Variants in STEAP1B observed in about 807,000 individuals in gnomAD.
The protein encoded by STEAP1B is STEAP family member 1B.
Under a neutral mutation model 27.9 loss-of-function variants are expected in STEAP1B, and 13 were observed. That is an observed-to-expected ratio of 0.47 (90% CI 0.30 to 0.74). The LOEUF (loss-of-function observed/expected upper bound fraction) is 0.74, where lower values mean the gene tolerates loss of function less well. Among genes scored for constraint, STEAP1B ranks in the 30% least tolerant of loss-of-function variants. The pLI is 0.06. For synonymous variants in STEAP1B, 86 were observed against 107.1 expected (o/e 0.80, Z 1.22); for missense variants, 250 against 298.7 (o/e 0.84, Z 1.20).
At chr7:22,432,065 G>A (rs1785194258) in intron 4 of STEAP1B, among the ~76,000 whole-genome samples, 1 of 152,146 alleles carries the variant, frequency 6.6e-6, no homozygotes, top group East Asian at 1.9e-4. Context: ...TAGATCATGG[G>A]TAGAACCTTC....
intron 4 of STEAP1B, among the ~76,000 whole-genome samples, chr7:22,461,447 G>C (rs1437265341): frequency 6.6e-6 from 1 of 152,120 alleles, no homozygotes; most frequent in African/African-American, 2.4e-5. Context: ...ATTTTTAGTA[G>C]AGAGGGGGTT....
intron 4 of STEAP1B, among the ~76,000 whole-genome samples, chr7:22,435,232 C>A (rs182376943): frequency 6.6e-6 from 1 of 152,114 alleles, no homozygotes; most frequent in Non-Finnish European, 1.5e-5. Context: ...CCCACCTGCA[C>A]CCACTCAACC....
intron 4 of STEAP1B, among the ~76,000 whole-genome samples, chr7:22,470,652 G>C (rs1180017808): frequency 6.6e-6 from 1 of 152,142 alleles, no homozygotes; most frequent in Non-Finnish European, 1.5e-5. Flanking sequence ...TGTAGTCCCA[G>C]CTACTTGGGA....
chr7:22,448,775 T>G (rs1346023145), intron 4 of STEAP1B, among the ~76,000 whole-genome samples: 1 of 152,146 alleles, frequency 6.6e-6, no homozygotes, highest in Non-Finnish European at 1.5e-5. Context: ...AGAGTACATG[T>G]GGAAGTCTGG....
intron 4 of STEAP1B, among the ~76,000 whole-genome samples, chr7:22,451,995 AG>A: frequency 6.6e-6 from 1 of 152,232 alleles, no homozygotes; most frequent in East Asian, 1.9e-4. Context: ...GGTAGAATTC[AG>A]CAGTGAAGCC....
intron 4 of STEAP1B, among the ~76,000 whole-genome samples, chr7:22,487,795 A>G (rs1786238360): frequency 6.7e-6 from 1 of 148,378 alleles, no homozygotes; most frequent in Admixed American, 6.7e-5. Flanking sequence ...ACAAGAGCAA[A>G]ACTCCACCCA....
intron 4 of STEAP1B, among the ~76,000 whole-genome samples, chr7:22,470,742 T>C (rs918916718): frequency 6.6e-6 from 1 of 152,294 alleles, no homozygotes; most frequent in Admixed American, 6.5e-5. Context: ...ACTATTGTAG[T>C]GAGGTTAATT....
rs114541920 is a variant in STEAP1B, at chr7:22,468,095, C to T, written c.762+24470G>A. Among the ~76,000 whole-genome samples, 881 of 152,134 alleles carry T rather than the reference C, an allele frequency of 5.8e-3. 7 individuals carry two copies. Among genetic ancestry groups the T allele is most frequent in the Middle Eastern group, 0.017 (5 of 294 alleles). On this transcript the variant is annotated intron_variant, in intron 4 of 4. Coordinates refer to ENST00000678116, the MANE Select transcript of STEAP1B (RefSeq NM_001382447.1). The stretch of plus-strand genomic sequence containing the variant: ...ATTTGAAATTCAAATTTAACTTGGG[C>T]ATTCTGTATTTTTATTTGCTAAATT...
At chr7:22,431,151 C>T (rs1332239448) in intron 4 of STEAP1B, among the ~76,000 whole-genome samples, 3 of 152,276 alleles carry the variant, frequency 2.0e-5, no homozygotes, top group South Asian at 2.1e-4. Flanking sequence ...ACAGTATTGG[C>T]GCAGTAACGA....
intron 4 of STEAP1B, among the ~76,000 whole-genome samples, chr7:22,433,118 A>G (rs1427311938): frequency 6.7e-6 from 1 of 149,614 alleles, no homozygotes; most frequent in African/African-American, 2.5e-5. Flanking sequence ...ATCTAACAGA[A>G]CCTAAATGAG....
At chr7:22,471,155 A>G (rs1325886690) in intron 4 of STEAP1B, among the ~76,000 whole-genome samples, 2 of 152,160 alleles carry the variant, frequency 1.3e-5, no homozygotes, top group Non-Finnish European at 2.9e-5. Flanking sequence ...CTCAGGGCCC[A>G]GTGGGTGGGC....
At chr7:22,479,274 A>G (rs1786025255) in intron 4 of STEAP1B, among the ~76,000 whole-genome samples, 2 of 152,250 alleles carry the variant, frequency 1.3e-5, no homozygotes, top group Non-Finnish European at 2.9e-5. Flanking sequence ...AGATAGGGGT[A>G]GGGGGCAAAA....
intron 4 of STEAP1B, among the ~76,000 whole-genome samples, chr7:22,436,162 G>A (rs1472816843): frequency 6.6e-6 from 1 of 151,922 alleles, no homozygotes; most frequent in African/African-American, 2.4e-5. Context: ...ATAAATAAAA[G>A]GCTTATACAG....
chr7:22,434,268 G>A (rs1785226736), intron 4 of STEAP1B, among the ~76,000 whole-genome samples: 1 of 152,168 alleles, frequency 6.6e-6, no homozygotes, highest in Non-Finnish European at 1.5e-5. Flanking sequence ...TCCTTGGGAA[G>A]GATAGGACAC....
chr7:22,456,970 A>ATTTTTTTTTTTT (rs1457986338), intron 4 of STEAP1B, among the ~76,000 whole-genome samples: 1 of 26,160 alleles, frequency 3.8e-5, no homozygotes, highest in Non-Finnish European at 8.6e-5. Context: ...ATATATATAT[A>ATTTTTTTTTTTT]TATTTTTTTT....
At chr7:22,454,859 A>ATG (rs1267679978) in intron 4 of STEAP1B, among the ~76,000 whole-genome samples, 3 of 66,652 alleles carry the variant, frequency 4.5e-5, no homozygotes, top group Non-Finnish European at 8.1e-5. Flanking sequence ...GTATATATAT[A>ATG]TATATATTTT....
At chr7:22,496,800 T>C (rs1786449755) in intron 1 of STEAP1B, among the ~76,000 whole-genome samples, 1 of 152,212 alleles carries the variant, frequency 6.6e-6, no homozygotes, top group Non-Finnish European at 1.5e-5. Context: ...TTTCTCAGAA[T>C]GTATCCTGTC....
intron 4 of STEAP1B, among the ~76,000 whole-genome samples, chr7:22,441,816 C>A (rs1344184239): frequency 6.6e-6 from 1 of 152,264 alleles, no homozygotes; most frequent in Non-Finnish European, 1.5e-5. Flanking sequence ...TTTGCACATA[C>A]TGCGGCTTCA....
intron 4 of STEAP1B, among the ~76,000 whole-genome samples, chr7:22,458,100 G>A (rs1418015937): frequency 1.3e-5 from 2 of 152,180 alleles, no homozygotes; most frequent in African/African-American, 2.4e-5. Flanking sequence ...TGTAGCTGAA[G>A]AAGAAAAAAT....
Sources: allele counts gnomAD v4.1 joint callset (sites outside exome capture counted in the v4.1 genomes callset), GRCh38; gene constraint gnomAD v4.1.1; transcripts MANE v1.5; gene names NCBI Gene and HGNC (gene_info 2026-07-23, HGNC 2026-07-21).